Variants in ZNF516 observed in about 807,000 individuals in gnomAD.
The protein encoded by ZNF516 is zinc finger protein 516.
A neutral mutation model predicts 79.7 loss-of-function variants in ZNF516; 19 were observed. The ratio of observed to expected loss-of-function variants is 0.24; its 90% CI spans 0.17 to 0.35. The LOEUF is 0.35. ZNF516 is among the 10% of genes least tolerant of loss of function. The pLI, the probability that ZNF516 is intolerant of heterozygous loss-of-function variation, is 1.00. For synonymous variants in ZNF516, 877 were observed against 739.5 expected, an observed-to-expected ratio of 1.19 and a Z score of -3.02; for missense variants, 1,678 against 1,679.5, an observed-to-expected ratio of 1.00 and a Z score of 0.02.
At chr18:76,452,294 C>G (rs921694221) in intron 2 of ZNF516, among the ~76,000 whole-genome samples, 8 of 152,170 alleles carry the variant, frequency 5.3e-5, no homozygotes, top group African/African-American at 1.9e-4. Flanking sequence ...CGGCTTTGTT[C>G]AGAAAACGAG....
chr18:76,389,210 T>C (rs1218030923), intron 3 of ZNF516: 1 of 150,248 alleles, frequency 6.7e-6, no homozygotes, highest in Non-Finnish European at 1.5e-5. Flanking sequence ...GAGCCACAGC[T>C]GGCAACAACT....
rs1276481266 is a variant in ZNF516, at chr18:76,442,613, T to C, written c.442A>G (p.Ser148Gly). 15 of 1,596,820 alleles carry C rather than the reference T, an allele frequency of 9.4e-6. No individual in the cohort carries two copies. The highest frequency in any genetic ancestry group is 1.7e-5 in the Admixed American group (1 of 59,732). ...RVLNGASQAD[S>G]GRVLLRSSKK... ...CTGCTCCGCAGCAGGACTCTGCCGCTGTCGGCCTGCGAGGCCCCGTTCAGG... is the reference window on the plus strand; with the variant it reads ...CTGCTCCGCAGCAGGACTCTGCCGCCGTCGGCCTGCGAGGCCCCGTTCAGG... Residue 148 changes from serine (S) to glycine (G), a missense_variant, in exon 3 of 7, where the codon AGC (serine) becomes GGC (glycine). By Grantham distance (56) the Ser-to-Gly change is moderately conservative. Around this residue, in one of 5 missense-constraint regions of ZNF516, gnomAD observed 279 missense variants for 254.1 expected, o/e 1.10. Coordinates refer to ENST00000443185, the MANE Select transcript of ZNF516 (RefSeq NM_014643.4).
chr18:76,435,722 A>G (rs1384319426), intron 3 of ZNF516, among the ~76,000 whole-genome samples: 3 of 152,244 alleles, frequency 2.0e-5, no homozygotes, highest in Non-Finnish European at 4.4e-5. Context: ...CGTACAGGGT[A>G]AAGTCACGGA....
chr18:76,461,394 C>T (rs930290933), intron 2 of ZNF516, among the ~76,000 whole-genome samples: 17 of 152,190 alleles, frequency 1.1e-4, no homozygotes, highest in Admixed American at 8.5e-4. Flanking sequence ...GCACATGCCA[C>T]TTCCCCACCC....
At chr18:76,480,976 G>C (rs370329230) in intron 1 of ZNF516, among the ~76,000 whole-genome samples, 2 of 152,212 alleles carry the variant, frequency 1.3e-5, no homozygotes, top group Non-Finnish European at 2.9e-5. Context: ...CTGTGAGGCA[G>C]GTCTATCAAA....
rs3177609 is a variant in ZNF516 at position 76,359,123 on chromosome 18, T to C, written c.*3375A>G. The C allele has an allele frequency of 0.056, 8,468 of 152,346 alleles. 297 individuals carry two copies. Among genetic ancestry groups the C allele is most frequent in the Non-Finnish European group, 0.08 (5,471 of 68,046 alleles). The allele number at this position is 152,346 out of a possible 1,614,324, so 9.4% of individuals were successfully genotyped here. ...GATCAGGGGTGGGGGCCTGTCATAC[T>C]GGGCGCTCCTTTCTCTGACGAAGTA... On this transcript the variant is annotated 3_prime_UTR_variant, in exon 7 of 7. Coordinates refer to ENST00000443185, the MANE Select transcript of ZNF516 (RefSeq NM_014643.4).
At chr18:76,470,874 T>G (rs1913791529) in intron 1 of ZNF516, among the ~76,000 whole-genome samples, 2 of 152,012 alleles carry the variant, frequency 1.3e-5, no homozygotes, top group Admixed American at 6.5e-5. Context: ...AAAGTTAGCC[T>G]GGCATGGTGG....
At chr18:76,369,508 T>C (rs1041168588) in intron 6 of ZNF516, among the ~76,000 whole-genome samples, 2 of 152,214 alleles carry the variant, frequency 1.3e-5, no homozygotes, top group African/African-American at 4.8e-5. Context: ...CAGTGGGTCC[T>C]TGGTGAAGCC....
intron 6 of ZNF516, among the ~76,000 whole-genome samples, chr18:76,366,631 C>T (rs1051216372): frequency 9.2e-5 from 14 of 152,158 alleles, no homozygotes; most frequent in East Asian, 1.9e-4. Flanking sequence ...TCTACACGGG[C>T]GTAAGTATGT....
rs749839894 is a variant in ZNF516, at chr18:76,380,166, C to T, written c.1948G>A (p.Val650Met). Residue 650 changes from valine (V) to methionine (M), a missense_variant, in exon 4 of 7, where the codon GTG becomes ATG. Val to Met is a conservative substitution (Grantham distance 21). Around this residue, in one of 5 missense-constraint regions of ZNF516, gnomAD observed 1,294 missense variants for 1,248.3 expected, o/e 1.04. Transcript: ENST00000443185. Reference sequence around the variant, plus strand: ...CTGCTACTGTTTTCAAGTATGGACACAGAAGCTGCGATCCCTGCCTTGGAC... The same window carrying T: ...CTGCTACTGTTTTCAAGTATGGACATAGAAGCTGCGATCCCTGCCTTGGAC... ...GESKAGIAAS[V>M]SILENSSRET... The T allele has an allele frequency of 3.1e-6, 5 of 1,613,998 alleles. No homozygotes were observed. The South Asian group carries it at 4.4e-5, about 14-fold the overall frequency.
chr18:76,440,677 C>T (rs2075802078), intron 3 of ZNF516, among the ~76,000 whole-genome samples: 1 of 152,170 alleles, frequency 6.6e-6, no homozygotes, highest in South Asian at 2.1e-4. Flanking sequence ...TTAATTATAA[C>T]TGCACACCAA....
At chr18:76,366,548 G>A (rs1229655383) in intron 6 of ZNF516, among the ~76,000 whole-genome samples, 5 of 152,196 alleles carry the variant, frequency 3.3e-5, no homozygotes, top group African/African-American at 1.2e-4. Context: ...AAGACACCAA[G>A]TAAAGAAAAC....
chr18:76,391,568 C>T (rs2075075185), intron 3 of ZNF516, among the ~76,000 whole-genome samples: 2 of 152,230 alleles, frequency 1.3e-5, no homozygotes, highest in African/African-American at 4.8e-5. Context: ...CCCTCTGTCG[C>T]TGTGGACTTG....
Position 76,442,168 on chromosome 18 carries a change from T to C in ZNF516, c.887A>G (p.Lys296Arg). 6.2e-7 allele frequency: 1 copy of C among 1,613,928 alleles called. No individual in the cohort carries two copies. Among genetic ancestry groups the C allele is most frequent in the Non-Finnish European group, 8.5e-7 (1 of 1,179,872 alleles). The change falls in exon 3 of 7, where the codon AAG becomes AGG. Residue 296 changes from lysine to arginine, a missense_variant. By Grantham distance (26) the Lys-to-Arg change is conservative. Transcript: ENST00000443185. ...GCTGCCCGTCTTGGGGCCGTGCGCCTTCATGTGGTTCTTGAGGAACCAGGG... is the reference window on the plus strand; with the variant it reads ...GCTGCCCGTCTTGGGGCCGTGCGCCCTCATGTGGTTCTTGAGGAACCAGGG... Reference protein sequence around the residue: ...KEPWFLKNHMKAHGPKTGSKN... With the variant: ...KEPWFLKNHMRAHGPKTGSKN...
Position 76,459,429 on chromosome 18 carries a change from C to A in ZNF516, c.-158+3599G>T, listed in dbSNP as rs1209081909. ...TTCCTTCGTGGGAGAAAACTCTGGC[C>A]CTCCACTGCCGGCCAGGGAGGCCTC... is the stretch of plus-strand genomic sequence containing the variant. On this transcript the variant is annotated intron_variant, in intron 2 of 6. Transcript: ENST00000443185. The surrounding 1 kb of genome is among the most constrained non-coding windows in gnomAD (Gnocchi z 5.0). Among the ~76,000 whole-genome samples, 1 of 152,218 alleles carries A rather than the reference C, an allele frequency of 6.6e-6. No homozygotes were observed. The highest frequency in any genetic ancestry group is 1.5e-5 in the Non-Finnish European group (1 of 68,040).
chr18:76,488,084 C>T, intron 1 of ZNF516: 2 of 985,320 alleles, frequency 2.0e-6, no homozygotes, highest in Non-Finnish European at 2.4e-6. Context: ...AGAACCTCCA[C>T]ATCCCTCGGT....
chr18:76,452,958 CA>C (rs1466887374), intron 2 of ZNF516, among the ~76,000 whole-genome samples: 5 of 152,158 alleles, frequency 3.3e-5, no homozygotes, highest in East Asian at 1.9e-4. Flanking sequence ...AAATGAAGAA[CA>C]GGGGGTGGCT....
At chr18:76,414,055 T>C (rs1485782709) in intron 3 of ZNF516, among the ~76,000 whole-genome samples, 1 of 152,206 alleles carries the variant, frequency 6.6e-6, no homozygotes, top group East Asian at 1.9e-4. Context: ...AACATTATCT[T>C]TTACCCTTAC....
intron 3 of ZNF516, among the ~76,000 whole-genome samples, chr18:76,401,194 A>T (rs899199513): frequency 1.3e-5 from 2 of 151,740 alleles, no homozygotes; most frequent in African/African-American, 4.8e-5. Context: ...AGAAATTTGC[A>T]ACCTCCGGCA....
Sources: allele counts gnomAD v4.1 joint callset (sites outside exome capture counted in the v4.1 genomes callset), GRCh38; gene constraint gnomAD v4.1.1; regional missense constraint gnomAD v4.1.1; non-coding constraint Gnocchi (gnomAD v3.1); transcripts MANE v1.5; gene names NCBI Gene and HGNC (gene_info 2026-07-23, HGNC 2026-07-21).